Variants in NUTM2B observed in about 807,000 individuals in gnomAD.
NUTM2B encodes family with sequence similarity 22, member B.
In NUTM2B, 2 loss-of-function variants were observed where a neutral mutation model predicts 42.4. The ratio of observed to expected loss-of-function variants is 0.05; its 90% CI spans 0.02 to 0.15. NUTM2B has a LOEUF of 0.15. Ranked by LOEUF, NUTM2B falls within the 10% of genes least tolerant of loss-of-function variation. The probability of loss-of-function intolerance (pLI) is 1.00; values close to 1 mark genes in which losing one functional copy is unlikely to be tolerated. For synonymous variants in NUTM2B, 18 were observed against 402.4 expected (o/e 0.04, Z 11.43); for missense variants, 58 against 952.6 (o/e 0.06, Z 12.36).
At chr10:79,709,476 T>A (rs1589264190) in intron 3 of NUTM2B, among the ~76,000 whole-genome samples, 1 of 129,788 alleles carries the variant, frequency 7.7e-6, no homozygotes, top group Admixed American at 8.0e-5. Context: ...CTGGGCATCA[T>A]CCCTGATGCC....
At chr10:79,709,483 T>A (rs1234643855) in intron 3 of NUTM2B, among the ~76,000 whole-genome samples, 308 of 128,916 alleles carry the variant, frequency 2.4e-3, no homozygotes, top group African/African-American at 9.0e-3. Flanking sequence ...TCATCCCTGA[T>A]GCCTTCTGCC....
At chr10:79,696,405 C>A in the NUTM2B span, among the ~76,000 whole-genome samples, 1 of 151,658 alleles carries the variant, frequency 6.6e-6, no homozygotes. Context: ...TCTACCTGCA[C>A]CCTGAGTAGG....
the NUTM2B span, among the ~76,000 whole-genome samples, chr10:79,696,209 T>C: frequency 2.0e-5 from 3 of 148,834 alleles, no homozygotes; most frequent in Admixed American, 6.7e-5. Context: ...CAGGGGGAAA[T>C]AGGAAAGCCT....
upstream of NUTM2B, among the ~76,000 whole-genome samples, chr10:79,700,553 C>T (rs1192714253): frequency 1.3e-5 from 2 of 152,230 alleles, no homozygotes; most frequent in Non-Finnish European, 2.9e-5. Context: ...CAGGCCTGCT[C>T]TGGTCACAAT....
chr10:79,694,353 G>A, the NUTM2B span, among the ~76,000 whole-genome samples: 1 of 151,122 alleles, frequency 6.6e-6, no homozygotes, highest in South Asian at 2.1e-4. Context: ...AGCCGAGATC[G>A]TGCCACTGCA....
At chr10:79,700,171 C>A (rs372957350), upstream of NUTM2B, among the ~76,000 whole-genome samples, 3,504 of 111,510 alleles carry the variant, frequency 0.031, no homozygotes, top group Middle Eastern at 0.083. Flanking sequence ...TGTTCTTCCA[C>A]TTTGCAGCTG....
chr10:79,709,729 G>A (rs1173473699), intron 3 of NUTM2B, 71 bp from the exon 4 acceptor site: 6 of 515,016 alleles, frequency 1.2e-5, no homozygotes, highest in African/African-American at 4.8e-5. Flanking sequence ...CCCTGCCCTC[G>A]GCCGCTGCCT....
At chr10:79,699,072 T>C (rs1840269462), upstream of NUTM2B, among the ~76,000 whole-genome samples, 1 of 151,760 alleles carries the variant, frequency 6.6e-6, no homozygotes, top group Non-Finnish European at 1.5e-5. Flanking sequence ...CCTCACACAT[T>C]GAAATAGCCA....
the NUTM2B span, among the ~76,000 whole-genome samples, chr10:79,695,308 G>T: frequency 4.6e-5 from 7 of 152,156 alleles, no homozygotes; most frequent in Non-Finnish European, 8.8e-5. Context: ...TCCTCAGGCT[G>T]AGTATACATT....
the NUTM2B span, among the ~76,000 whole-genome samples, chr10:79,694,529 C>G: frequency 6.6e-6 from 1 of 152,078 alleles, no homozygotes; most frequent in African/African-American, 2.4e-5. Context: ...ACATCAGAGC[C>G]ACATTTTCTC....
At chr10:79,698,037 C>A in the NUTM2B span, among the ~76,000 whole-genome samples, 46 of 151,518 alleles carry the variant, frequency 3.0e-4, no homozygotes, top group African/African-American at 8.5e-4. Flanking sequence ...CCAAATTCTG[C>A]GAGTATTACA....
At chr10:79,692,129 A>C in the NUTM2B span, 3 of 151,884 alleles carry the variant, frequency 2.0e-5, no homozygotes, top group Non-Finnish European at 4.4e-5. Context: ...TAGGGGCAAG[A>C]GCAGGGAGCC....
At chr10:79,699,526 T>C (rs975771684), upstream of NUTM2B, among the ~76,000 whole-genome samples, 1 of 152,218 alleles carries the variant, frequency 6.6e-6, no homozygotes, top group East Asian at 1.9e-4. Flanking sequence ...CATTGCAAAC[T>C]CCGCCTCTTG....
chr10:79,702,584 A>C (rs2132240344), upstream of NUTM2B, among the ~76,000 whole-genome samples: 1 of 151,196 alleles, frequency 6.6e-6, no homozygotes, highest in South Asian at 2.1e-4. Flanking sequence ...AATGCTTCGT[A>C]AGTGCCGACA....
intron 3 of NUTM2B, among the ~76,000 whole-genome samples, chr10:79,709,301 G>T (rs1488981990): frequency 7.4e-6 from 1 of 134,666 alleles, no homozygotes; most frequent in African/African-American, 2.8e-5. Flanking sequence ...TTTGCTCCTG[G>T]GCAGTCCCCT....
chr10:79,700,104 A>T (rs996146682), upstream of NUTM2B, among the ~76,000 whole-genome samples: 1 of 152,112 alleles, frequency 6.6e-6, no homozygotes, highest in Non-Finnish European at 1.5e-5. Context: ...CTTTGGCCAC[A>T]CTCTTGCATC....
At chr10:79,700,299 C>A (rs1209866996), upstream of NUTM2B, among the ~76,000 whole-genome samples, 2 of 151,976 alleles carry the variant, frequency 1.3e-5, no homozygotes, top group Non-Finnish European at 2.9e-5. Context: ...CACTGTTTTA[C>A]GGGGACAGGA....
At chr10:79,693,374 C>T in the NUTM2B span, among the ~76,000 whole-genome samples, 2 of 152,206 alleles carry the variant, frequency 1.3e-5, no homozygotes, top group Non-Finnish European at 2.9e-5. Context: ...CTATCAGCTC[C>T]TGGGAAACAG....
the NUTM2B span, among the ~76,000 whole-genome samples, chr10:79,695,352 A>G: frequency 6.6e-6 from 1 of 152,224 alleles, no homozygotes; most frequent in Non-Finnish European, 1.5e-5. Flanking sequence ...AATGGTCAAC[A>G]TTCATTCCTC....
Sources: gnomAD v4.1 joint callset for allele counts (sites outside exome capture counted in the v4.1 genomes callset) on GRCh38, gnomAD v4.1.1 for gene constraint, MANE v1.5 for transcripts, NCBI Gene and HGNC (gene_info 2026-07-23, HGNC 2026-07-21) for gene names.